COL22A1: variants seen among roughly 807,000 people sequenced by gnomAD.
COL22A1 encodes collagen alpha-1(XXII) chain.
Under a neutral mutation model 248.9 loss-of-function variants are expected in COL22A1, and 221 were observed. That is an observed-to-expected ratio of 0.89 (90% CI 0.80 to 0.99). The LOEUF (loss-of-function observed/expected upper bound fraction) is 0.99, where lower values mean the gene tolerates loss of function less well. Among genes scored for constraint, COL22A1 ranks in the 50% least tolerant of loss-of-function variants. COL22A1 has a pLI of 0.00. For synonymous variants in COL22A1, 891 were observed against 793.4 expected (o/e 1.12, Z -2.07); for missense variants, 2,240 against 2,179.0 (o/e 1.03, Z -0.56).
intron 3 of COL22A1, among the ~76,000 whole-genome samples, chr8:138,859,713 C>A (rs1425483582): frequency 6.6e-6 from 1 of 152,310 alleles, no homozygotes. Context: ...AGGTGCTGCA[C>A]CTCCCATTGT....
chr8:138,768,978 G>A (rs1278399655), intron 16 of COL22A1, among the ~76,000 whole-genome samples: 7 of 151,790 alleles, frequency 4.6e-5, no homozygotes, highest in Non-Finnish European at 7.4e-5. Flanking sequence ...CAACTCAAAT[G>A]CTACCTCCCC....
At chr8:138,731,918 G>A (rs1704197938) in intron 23 of COL22A1, among the ~76,000 whole-genome samples, 1 of 152,138 alleles carries the variant, frequency 6.6e-6, no homozygotes, top group African/African-American at 2.4e-5. Flanking sequence ...TGATAAATCA[G>A]TACCCTCATT....
intron 23 of COL22A1, among the ~76,000 whole-genome samples, chr8:138,734,680 T>C (rs1233733527): frequency 6.6e-6 from 1 of 152,208 alleles, no homozygotes; most frequent in Non-Finnish European, 1.5e-5. Flanking sequence ...ACTGGGTATA[T>C]ACCCAAAGGA....
rs536645507 is a variant in COL22A1 at position 138,817,451 on chromosome 8, G to A, written c.1245+3685C>T. The stretch of plus-strand genomic sequence containing the variant: ...GGATAGCACTGTCTCTGGTAGAGAC[G>A]GAAAGCCCTCAGGCAAGACAGGTGC... On this transcript the variant is annotated intron_variant, in intron 7 of 64. Coordinates refer to ENST00000303045, the MANE Select transcript of COL22A1 (RefSeq NM_152888.3). 8.5e-5 allele frequency among the ~76,000 whole-genome samples: 13 copies of A among 152,278 alleles called. No individual in the cohort carries two copies. In the South Asian group the frequency reaches 1.2e-3, roughly 15 times the overall value.
Position 138,802,923 on chromosome 8 carries a change from T to C in COL22A1, c.1506A>G (p.Gly502=). ...CAGGAGCGCCAACCGGCCCAATGGC[T>C]CCTATGTCTCCCTGAGGGGTTGAGA... The part of the protein sequence containing the change: ...MGLPGPKGDI[G]AIGPVGAPGP... Residue 502 remains glycine, a synonymous_variant, in exon 11 of 65, where the codon GGA becomes GGG. Transcript: ENST00000303045. 1 of 1,613,710 alleles carries C rather than the reference T, an allele frequency of 6.2e-7. No homozygotes were observed. The highest frequency in any genetic ancestry group is 8.5e-7 in the Non-Finnish European group (1 of 1,179,644).
chr8:138,675,809 T>A (rs1044989635), intron 41 of COL22A1, among the ~76,000 whole-genome samples: 2 of 152,190 alleles, frequency 1.3e-5, no homozygotes, highest in Admixed American at 6.5e-5. Flanking sequence ...AAGCAGTGGG[T>A]GGAAACTACA....
At chr8:138,878,379 G>T (rs1159242901) in intron 2 of COL22A1, 63 bp from the exon 3 acceptor site, 5 of 1,336,864 alleles carry the variant, frequency 3.7e-6, no homozygotes, top group African/African-American at 1.5e-5. Context: ...CTGTCCTGGG[G>T]TATACAGGTC....
intron 50 of COL22A1, among the ~76,000 whole-genome samples, chr8:138,627,241 T>G (rs1820319711): frequency 6.6e-6 from 1 of 152,202 alleles, no homozygotes; most frequent in African/African-American, 2.4e-5. Flanking sequence ...GCTTCCTGGG[T>G]TCCTTCCTGG....
intron 60 of COL22A1, among the ~76,000 whole-genome samples, chr8:138,600,214 T>G (rs1239253714): frequency 6.6e-6 from 1 of 152,174 alleles, no homozygotes; most frequent in East Asian, 1.9e-4. Context: ...TTCAAATGAT[T>G]AGTTGGTCTG....
intron 1 of COL22A1, among the ~76,000 whole-genome samples, chr8:138,891,400 G>A (rs537448611): frequency 1.3e-5 from 2 of 152,296 alleles, no homozygotes; most frequent in African/African-American, 4.8e-5. Context: ...ATGACAGCTG[G>A]TCTTGGCATC....
intron 47 of COL22A1, among the ~76,000 whole-genome samples, chr8:138,642,343 G>A (rs1230919110): frequency 6.6e-6 from 1 of 152,178 alleles, no homozygotes. Context: ...CTAGCATCAT[G>A]CTGACAATTG....
chr8:138,860,739 T>C (rs750491998), intron 3 of COL22A1, among the ~76,000 whole-genome samples: 1 of 151,790 alleles, frequency 6.6e-6, no homozygotes, highest in Non-Finnish European at 1.5e-5. Context: ...GCCCAGGAGG[T>C]CAAAGCTGCA....
chr8:138,639,757 G>A (rs1397739173), intron 47 of COL22A1, among the ~76,000 whole-genome samples: 1 of 152,120 alleles, frequency 6.6e-6, no homozygotes, highest in African/African-American at 2.4e-5. Context: ...AAGGACCTAG[G>A]AACCATCTCT....
intron 53 of COL22A1, 95 bp downstream of exon 53, chr8:138,619,360 G>C: frequency 9.1e-7 from 1 of 1,104,678 alleles, no homozygotes; most frequent in Non-Finnish European, 1.4e-6. Flanking sequence ...AGGACCCCAC[G>C]GTTGGGCAGT....
chr8:138,772,780 T>C (rs867505331), intron 16 of COL22A1, among the ~76,000 whole-genome samples: 1 of 152,212 alleles, frequency 6.6e-6, no homozygotes, highest in African/African-American at 2.4e-5. Context: ...GGAGAATTGC[T>C]TGGACCCGGG....
intron 12 of COL22A1, among the ~76,000 whole-genome samples, chr8:138,792,256 T>C (rs1458570982): frequency 6.6e-6 from 1 of 152,214 alleles, no homozygotes; most frequent in Non-Finnish European, 1.5e-5. Context: ...GGCAAATCCC[T>C]GCCTGAAAGG....
At chr8:138,644,690 C>G (rs1822039069) in intron 47 of COL22A1, among the ~76,000 whole-genome samples, 1 of 152,192 alleles carries the variant, frequency 6.6e-6, no homozygotes, top group African/African-American at 2.4e-5. Flanking sequence ...ATTTTTTGAA[C>G]ACATGACCCA....
intron 1 of COL22A1, among the ~76,000 whole-genome samples, chr8:138,906,802 G>A (rs1033709259): frequency 2.0e-5 from 3 of 152,052 alleles, no homozygotes; most frequent in Admixed American, 2.0e-4. Context: ...ACAGGCACCC[G>A]CCACCATACC....
In COL22A1 at chr8:138,741,767, G is replaced by A. The variant is rs551414008; in HGVS notation, c.2086-4190C>T. ...TGCCACAGAGTTTAAATTGGATGACGCCCACAAAGTACTTAGTAATAGTGG... is the reference window on the plus strand; with the variant it reads ...TGCCACAGAGTTTAAATTGGATGACACCCACAAAGTACTTAGTAATAGTGG... On this transcript the variant is annotated intron_variant, in intron 22 of 64. Coordinates refer to ENST00000303045, the MANE Select transcript of COL22A1 (RefSeq NM_152888.3). 7.2e-5 allele frequency among the ~76,000 whole-genome samples: 11 copies of A among 152,296 alleles called. No homozygotes were observed. In the South Asian group the frequency reaches 1.7e-3, roughly 23 times the overall value.
Sources: allele counts gnomAD v4.1 joint callset (sites outside exome capture counted in the v4.1 genomes callset), GRCh38; gene constraint gnomAD v4.1.1; transcripts MANE v1.5; gene names NCBI Gene and HGNC (gene_info 2026-07-23, HGNC 2026-07-21).